Variants in LMNA observed in about 807,000 individuals in gnomAD.
The protein encoded by LMNA is lamin.
A neutral mutation model predicts 70.4 loss-of-function variants in LMNA; 20 were observed. That is an observed-to-expected ratio of 0.28 (90% confidence interval 0.20 to 0.41). LMNA has a LOEUF of 0.41. Ranked by LOEUF, LMNA falls within the 10% of genes least tolerant of loss-of-function variation. The probability of loss-of-function intolerance (pLI) is 1.00; values close to 1 mark genes in which losing one functional copy is unlikely to be tolerated. For missense variants in LMNA, 652 were observed against 917.2 expected, an observed-to-expected ratio of 0.71 and a Z score of 3.73; for synonymous variants, 339 against 372.8, an observed-to-expected ratio of 0.91 and a Z score of 1.04.
chr1:156,134,794 A>T lies in LMNA; in HGVS notation c.640-11A>T, dbSNP rs727504932. 6.2e-7 allele frequency: 1 copy of T among 1,614,034 alleles called. No homozygotes were observed. Among genetic ancestry groups the T allele is most frequent in the African/African-American group, 1.3e-5 (1 of 74,930 alleles). ...ATTTTGGTTTCTGTGTCCTTCCTCCAACCCTTCCAGGAGCTGCGTGAGACC... is the reference window on the plus strand; with the variant it reads ...ATTTTGGTTTCTGTGTCCTTCCTCCTACCCTTCCAGGAGCTGCGTGAGACC... On this transcript the variant is annotated splice_polypyrimidine_tract_variant and intron_variant, in intron 3 of 11. Coordinates refer to ENST00000368300, the MANE Select transcript of LMNA (RefSeq NM_170707.4). This position sits in a 1 kb window ranked among gnomAD's most constrained non-coding sequence, Gnocchi z 5.3.
At chr1:156,094,003 A>G (rs1648810848) in intron 3 of LMNA, among the ~76,000 whole-genome samples, 1 of 152,016 alleles carries the variant, frequency 6.6e-6, no homozygotes, top group Non-Finnish European at 1.5e-5. Context: ...CCAAGGGGCT[A>G]CTGTCTGCAT....
upstream of LMNA, among the ~76,000 whole-genome samples, chr1:156,114,324 C>A (rs897855140): frequency 2.0e-5 from 3 of 152,142 alleles, no homozygotes; most frequent in Admixed American, 6.5e-5. Flanking sequence ...GCCCTCCCCC[C>A]ACTTTCCTGG....
At chr1:156,098,192 A>G (rs1264276831) in intron 3 of LMNA, among the ~76,000 whole-genome samples, 4 of 152,180 alleles carry the variant, frequency 2.6e-5, no homozygotes, top group Admixed American at 6.5e-5. Context: ...CTTGTAGTAG[A>G]AGGGATGGAG....
At position 156,139,148 on chromosome 1, in the gene LMNA, C is replaced by A. The variant is rs776637934; in HGVS notation, c.*42C>A. On this transcript the variant is annotated 3_prime_UTR_variant, in exon 12 of 12. Coordinates refer to ENST00000368300, the MANE Select transcript of LMNA (RefSeq NM_170707.4). ...CAGGGGTGGGGGTGGAGGCTTCCTGCGTCCTCCTCACCTCATGCCCACCCC... is the reference window on the plus strand; with the variant it reads ...CAGGGGTGGGGGTGGAGGCTTCCTGAGTCCTCCTCACCTCATGCCCACCCC... 7.4e-6 allele frequency: 12 copies of A among 1,612,910 alleles called. No individual in the cohort carries two copies. Among genetic ancestry groups the A allele is most frequent in the Non-Finnish European group, 1.0e-5 (12 of 1,179,680 alleles).
chr1:156,116,656 C>T (rs924747660), intron 1 of LMNA, among the ~76,000 whole-genome samples: 1 of 152,170 alleles, frequency 6.6e-6, no homozygotes, highest in Admixed American at 6.5e-5. Context: ...CCTCCGCCTC[C>T]CAGGTTCAAG....
At position 156,138,698 on chromosome 1, in the gene LMNA, T is replaced by G. The variant is rs765905188; in HGVS notation, c.1909T>G (p.Phe637Val). 1 of 1,613,644 alleles carries G rather than the reference T, an allele frequency of 6.2e-7. No homozygotes were observed. Among genetic ancestry groups the G allele is most frequent in the South Asian group, 1.1e-5 (1 of 91,084 alleles). The change falls in exon 11 of 12, where the codon TTC becomes GTC. Residue 637 changes from phenylalanine to valine, a missense_variant. Physicochemically the swap from Phe to Val is conservative, Grantham distance 50. This residue lies in a region of LMNA where 327 missense variants were observed against 387.6 expected (regional missense o/e 0.84). Coordinates refer to ENST00000368300, the MANE Select transcript of LMNA (RefSeq NM_170707.4). The surrounding 1 kb of genome is among the most constrained non-coding windows in gnomAD (Gnocchi z 5.5). ...RSVGGSGGGS[F>V]GDNLVTRSYL... ...TGTGGGGGGCAGTGGGGGTGGCAGC[T>G]TCGGGGACAATCTGGTCACCCGCTC...
upstream of LMNA, among the ~76,000 whole-genome samples, chr1:156,113,155 T>A (rs184979044): frequency 6.6e-6 from 1 of 151,594 alleles, no homozygotes; most frequent in African/African-American, 2.4e-5. Context: ...AAAAAAAAAA[T>A]TAGCTGGGCT....
chr1:156,131,861 A>G lies in LMNA; in HGVS notation c.513+1088A>G, dbSNP rs114509051. On this transcript the variant is annotated intron_variant, in intron 2 of 11. Transcript: ENST00000368300. ...TTTACTTTCAAAACACTCTTCTCCAATTTATCATGTTAAAAGCTAGGAATT... is the reference window on the plus strand; with the variant it reads ...TTTACTTTCAAAACACTCTTCTCCAGTTTATCATGTTAAAAGCTAGGAATT... 4.3e-3 allele frequency among the ~76,000 whole-genome samples: 651 copies of G among 152,260 alleles called. 3 individuals carry two copies. Among genetic ancestry groups the G allele is most frequent in the African/African-American group, 0.015 (631 of 41,560 alleles).
rs1651598289 is a variant in LMNA, at chr1:156,136,213, G to A, written c.1158-1G>A. ...CCCCCACTTGGTCTCCCTCTCCCCA[G>A]GCTACGCCTGTCCCCCAGCCCTACC... On this transcript the variant is annotated splice_acceptor_variant, in intron 6 of 11. Coordinates refer to ENST00000368300, the MANE Select transcript of LMNA (RefSeq NM_170707.4). LOFTEE classifies it high-confidence loss of function. This position sits in a 1 kb window ranked among gnomAD's most constrained non-coding sequence, Gnocchi z 6.1. 1 of 1,612,628 alleles carries A rather than the reference G, an allele frequency of 6.2e-7. No individual in the cohort carries two copies. Among genetic ancestry groups the A allele is most frequent in the Non-Finnish European group, 8.5e-7 (1 of 1,180,024 alleles).
chr1:156,104,762 C>T lies in LMNA; in HGVS notation c.-206-9951C>T, dbSNP rs368679206. Among the ~76,000 whole-genome samples, 8 of 152,320 alleles carry T rather than the reference C, an allele frequency of 5.3e-5. No individual in the cohort carries two copies. In the South Asian group the frequency reaches 1.7e-3, roughly 32 times the overall value. On this transcript the variant is annotated intron_variant, in intron 3 of 12. Coordinates refer to the LMNA transcript ENST00000368301. The stretch of plus-strand genomic sequence containing the variant: ...CCAACATCTCTTTCCTTTCCTCCAA[C>T]AGGAAACACACCTTCCACCTCTAAA...
chr1:156,105,553 G>C (rs1572324954), intron 3 of LMNA, among the ~76,000 whole-genome samples: 1 of 152,168 alleles, frequency 6.6e-6, no homozygotes, highest in Admixed American at 6.5e-5. Flanking sequence ...GGCCAGAGGA[G>C]AGCTTTCAAC....
chr1:156,125,890 A>G (rs555135265), intron 1 of LMNA, among the ~76,000 whole-genome samples: 1 of 151,974 alleles, frequency 6.6e-6, no homozygotes, highest in Non-Finnish European at 1.5e-5. Context: ...CGGGAGGCTG[A>G]GAAGCAGGAG....
At chr1:156,120,266 G>T (rs961710103) in intron 1 of LMNA, among the ~76,000 whole-genome samples, 1 of 152,224 alleles carries the variant, frequency 6.6e-6, no homozygotes, top group African/African-American at 2.4e-5. Context: ...GTCAGCACTT[G>T]ATCACAGGCC....
intron 3 of LMNA, among the ~76,000 whole-genome samples, chr1:156,092,140 A>T (rs1237616852): frequency 6.6e-6 from 1 of 151,404 alleles, no homozygotes; most frequent in Non-Finnish European, 1.5e-5. Context: ...CTGGTCTCAA[A>T]CTCCTGACCT....
intron 3 of LMNA, among the ~76,000 whole-genome samples, chr1:156,099,652 G>A (rs1476604170): frequency 2.0e-5 from 3 of 152,132 alleles, no homozygotes; most frequent in East Asian, 1.9e-4. Context: ...GGAGGCCGAG[G>A]TGGTGGATCA....
At position 156,136,562 on chromosome 1, in the gene LMNA, A is replaced by G. The variant is rs1402395355; in HGVS notation, c.1380+126A>G. The G allele has an allele frequency of 5.0e-6, 5 of 995,130 alleles. No individual in the cohort carries two copies. The highest frequency in any genetic ancestry group is 2.8e-5 in the South Asian group (2 of 72,476). 61.6% of individuals were successfully genotyped at this position (995,130 alleles called of 1,614,324 possible). A position where few individuals can be genotyped will look rare whatever the true frequency, so the allele number is the denominator to read the frequency against. ...AGGGTGGACCAGGGTGAGCCTGTATATCTCCTCCACACTCTGGTTCCAGGC... is the reference window on the plus strand; with the variant it reads ...AGGGTGGACCAGGGTGAGCCTGTATGTCTCCTCCACACTCTGGTTCCAGGC... On this transcript the variant is annotated intron_variant, in intron 7 of 11. Coordinates refer to ENST00000368300, the MANE Select transcript of LMNA (RefSeq NM_170707.4). This position sits in a 1 kb window ranked among gnomAD's most constrained non-coding sequence, Gnocchi z 6.1.
Position 156,138,420 on chromosome 1 carries a change from A to T in LMNA, c.1699-68A>T, listed in dbSNP as rs1651850287. 1.3e-6 allele frequency: 2 copies of T among 1,548,790 alleles called. No homozygotes were observed. Among genetic ancestry groups the T allele is most frequent in the South Asian group, 2.3e-5 (2 of 85,726 alleles). On this transcript the variant is annotated intron_variant, in intron 10 of 11. Coordinates refer to ENST00000368300, the MANE Select transcript of LMNA (RefSeq NM_170707.4). The surrounding 1 kb of genome is among the most constrained non-coding windows in gnomAD (Gnocchi z 5.5). ...CGGCTGGGAGCCTGCAGGAGCCTGGAGCCTGGTTGGGCCTGAGTGGTCAGT... is the reference window on the plus strand; with the variant it reads ...CGGCTGGGAGCCTGCAGGAGCCTGGTGCCTGGTTGGGCCTGAGTGGTCAGT...
chr1:156,133,773 A>G (rs904462097), intron 2 of LMNA, among the ~76,000 whole-genome samples: 17 of 151,858 alleles, frequency 1.1e-4, no homozygotes, highest in Admixed American at 6.6e-4. Context: ...CAGAACACAC[A>G]TGCCTTCATA....
intron 3 of LMNA, among the ~76,000 whole-genome samples, chr1:156,090,769 GA>G (rs1472247757): frequency 1.3e-5 from 2 of 152,226 alleles, no homozygotes; most frequent in African/African-American, 4.8e-5. Context: ...GGCATGTCTG[GA>G]AGTTGGTGCT....
Sources: gnomAD v4.1 joint callset for allele counts (sites outside exome capture counted in the v4.1 genomes callset) on GRCh38, gnomAD v4.1.1 for gene constraint, gnomAD v4.1.1 regional missense constraint, Gnocchi (gnomAD v3.1) non-coding constraint, MANE v1.5 for transcripts, NCBI Gene and HGNC (gene_info 2026-07-23, HGNC 2026-07-21) for gene names.